Variants in PSTPIP2 observed in about 807,000 individuals in gnomAD.
PSTPIP2 encodes proline-serine-threonine phosphatase-interacting protein 2.
A neutral mutation model predicts 63.3 loss-of-function variants in PSTPIP2; 33 were observed. The observed-to-expected ratio is 0.52, with a 90% CI of 0.40 to 0.70. PSTPIP2 has a LOEUF of 0.70. PSTPIP2 is among the 30% of genes least tolerant of loss of function. The pLI, the probability that PSTPIP2 is intolerant of heterozygous loss-of-function variation, is 0.00. For missense variants in PSTPIP2, 312 were observed against 400.7 expected, an observed-to-expected ratio of 0.78 and a Z score of 1.89; for synonymous variants, 125 against 132.7, an observed-to-expected ratio of 0.94 and a Z score of 0.40.
At chr18:46,048,299 G>C (rs563074993) in intron 1 of PSTPIP2, among the ~76,000 whole-genome samples, 1 of 152,340 alleles carries the variant, frequency 6.6e-6, no homozygotes, top group South Asian at 2.1e-4. Context: ...GTCAAGAAAA[G>C]AGATTCTGCC....
At chr18:46,059,514 G>A (rs1327279215) in intron 1 of PSTPIP2, among the ~76,000 whole-genome samples, 1 of 152,010 alleles carries the variant, frequency 6.6e-6, no homozygotes, top group African/African-American at 2.4e-5. Context: ...TTCCCAAAGT[G>A]CTGGGATTAC....
intron 1 of PSTPIP2, among the ~76,000 whole-genome samples, chr18:46,060,282 C>T (rs934395992): frequency 2.6e-5 from 4 of 152,096 alleles, no homozygotes; most frequent in Admixed American, 1.3e-4. Flanking sequence ...GTGATTTCCA[C>T]TCATCATTTT....
intron 2 of PSTPIP2, 121 bp downstream of exon 2, chr18:46,039,826 C>G (rs1234485411): frequency 3.6e-6 from 3 of 833,588 alleles, no homozygotes; most frequent in Non-Finnish European, 6.0e-6. Context: ...CATTCCATAA[C>G]CTAGAGCAGA....
At chr18:46,037,001 T>A (rs1301026164) in intron 2 of PSTPIP2, among the ~76,000 whole-genome samples, 6 of 152,142 alleles carry the variant, frequency 3.9e-5, no homozygotes, top group African/African-American at 1.4e-4. Context: ...AAATAATAAA[T>A]AAGGTATAAC....
intron 5 of PSTPIP2, among the ~76,000 whole-genome samples, chr18:46,005,805 G>T (rs1228626992): frequency 6.6e-6 from 1 of 152,174 alleles, no homozygotes; most frequent in African/African-American, 2.4e-5. Context: ...AGTCTCTTCA[G>T]TAAAATCTGG....
chr18:46,000,110 G>T (rs2144069941), intron 6 of PSTPIP2, among the ~76,000 whole-genome samples: 1 of 152,266 alleles, frequency 6.6e-6, no homozygotes, highest in Middle Eastern at 3.4e-3. Context: ...CTGCACTCCA[G>T]CCTGGGCGAA....
chr18:46,039,374 C>G (rs1908103369), intron 2 of PSTPIP2, among the ~76,000 whole-genome samples: 1 of 152,124 alleles, frequency 6.6e-6, no homozygotes, highest in Non-Finnish European at 1.5e-5. Flanking sequence ...TCCCACAGCT[C>G]CTCATCCTCC....
At chr18:46,009,126 C>T (rs1054510093) in intron 5 of PSTPIP2, among the ~76,000 whole-genome samples, 1 of 152,052 alleles carries the variant, frequency 6.6e-6, no homozygotes, top group Admixed American at 6.5e-5. Context: ...TGACCATGTA[C>T]GTCTTGGTCA....
intron 4 of PSTPIP2, among the ~76,000 whole-genome samples, chr18:46,013,332 A>G (rs1398238216): frequency 6.6e-6 from 1 of 152,206 alleles, no homozygotes; most frequent in Non-Finnish European, 1.5e-5. Flanking sequence ...TTTAGCTAAC[A>G]TTTACAAACG....
intron 14 of PSTPIP2, among the ~76,000 whole-genome samples, chr18:45,985,844 T>G (rs2051461580): frequency 1.3e-5 from 2 of 151,436 alleles, no homozygotes; most frequent in South Asian, 4.2e-4. Flanking sequence ...TGGCGCAATC[T>G]CAGCTCACTG....
chr18:46,023,863 C>T (rs1907473670), intron 3 of PSTPIP2, among the ~76,000 whole-genome samples: 1 of 151,572 alleles, frequency 6.6e-6, no homozygotes, highest in Non-Finnish European at 1.5e-5. Flanking sequence ...CACACACACA[C>T]ATATACACAC....
At chr18:46,070,056 C>G (rs1377675957) in intron 1 of PSTPIP2, among the ~76,000 whole-genome samples, 2 of 152,198 alleles carry the variant, frequency 1.3e-5, no homozygotes, top group Admixed American at 1.3e-4. Flanking sequence ...TTATTATCCC[C>G]ATTTTTATGT....
In PSTPIP2 at chr18:46,040,020, A is replaced by T; in HGVS notation, c.61T>A (p.Tyr21Asn). 1 of 1,612,310 alleles carries T rather than the reference A, an allele frequency of 6.2e-7. No individual in the cohort carries two copies. Among genetic ancestry groups the T allele is most frequent in the Non-Finnish European group, 8.5e-7 (1 of 1,179,010 alleles). Reference protein sequence around the residue: ...WSADILSTIGYDNIIQHLNNG... With the variant: ...WSADILSTIGNDNIIQHLNNG... ...TTCAGATGTTGGATAATGTTGTCAT[A>T]GCCGATGGTGCTGAGGATGTCTGCA... is the stretch of plus-strand genomic sequence containing the variant. The change falls in exon 2 of 15, where the codon TAT (tyrosine) becomes AAT (asparagine). Residue 21 changes from tyrosine (Y) to asparagine (N), a missense_variant. Coordinates refer to ENST00000409746, the MANE Select transcript of PSTPIP2 (RefSeq NM_024430.4).
At chr18:46,065,020 TGTAATTCC>T (rs1339073210) in intron 1 of PSTPIP2, among the ~76,000 whole-genome samples, 1 of 151,406 alleles carries the variant, frequency 6.6e-6, no homozygotes, top group Non-Finnish European at 1.5e-5. Flanking sequence ...GGTGCATGCC[TGTAATTCC>T]AGCTACTTGG....
intron 2 of PSTPIP2, among the ~76,000 whole-genome samples, chr18:46,035,771 C>A (rs1725353600): frequency 6.6e-6 from 1 of 152,170 alleles, no homozygotes; most frequent in Non-Finnish European, 1.5e-5. Flanking sequence ...AGACCCCCAT[C>A]CTCACCAGCC....
chr18:46,071,153 AGC>A (rs1261062861), intron 1 of PSTPIP2, among the ~76,000 whole-genome samples: 4 of 152,250 alleles, frequency 2.6e-5, no homozygotes, highest in Admixed American at 2.6e-4. Flanking sequence ...TGAGGTCCCC[AGC>A]CAGGTTTCTC....
chr18:46,001,339 T>C lies in PSTPIP2; in HGVS notation c.418-1805A>G, dbSNP rs1048386544. 9.9e-5 allele frequency among the ~76,000 whole-genome samples: 15 copies of C among 152,238 alleles called. No individual in the cohort carries two copies. In the South Asian group the frequency reaches 2.9e-3, roughly 29 times the overall value. Reference sequence around the variant, plus strand: ...GTGGTTTTAAGTTGTAGTTCTCTGATGATTAGTGATGTTGAGCATTAAAAA... The same window carrying C: ...GTGGTTTTAAGTTGTAGTTCTCTGACGATTAGTGATGTTGAGCATTAAAAA... On this transcript the variant is annotated intron_variant, in intron 6 of 14. Transcript: ENST00000409746.
chr18:46,023,526 T>A (rs1907452899), intron 3 of PSTPIP2, among the ~76,000 whole-genome samples: 1 of 151,844 alleles, frequency 6.6e-6, no homozygotes, highest in Admixed American at 6.6e-5. Flanking sequence ...GCCATTGCAC[T>A]CCAGCCTGGG....
At chr18:46,038,072 T>G (rs1334083113) in intron 2 of PSTPIP2, among the ~76,000 whole-genome samples, 1 of 152,188 alleles carries the variant, frequency 6.6e-6, no homozygotes, top group African/African-American at 2.4e-5. Flanking sequence ...CAGCAATTTT[T>G]TTTTGAAAGA....
Sources: allele counts gnomAD v4.1 joint callset (sites outside exome capture counted in the v4.1 genomes callset), GRCh38; gene constraint gnomAD v4.1.1; transcripts MANE v1.5; gene names NCBI Gene and HGNC (gene_info 2026-07-23, HGNC 2026-07-21).